ATP2B1: variants seen among roughly 807,000 people sequenced by gnomAD.
The protein encoded by ATP2B1 is ATPase plasma membrane Ca2+ transporting 1.
In ATP2B1, 14 loss-of-function variants were observed where a neutral mutation model predicts 124.2. The ratio of observed to expected loss-of-function variants is 0.11; its 90% CI spans 0.07 to 0.18. The LOEUF (loss-of-function observed/expected upper bound fraction) is 0.18, where lower values mean the gene tolerates loss of function less well. ATP2B1 is among the 10% of genes least tolerant of loss of function. The pLI, the probability that ATP2B1 is intolerant of heterozygous loss-of-function variation, is 1.00. For missense variants in ATP2B1, 763 were observed against 1,466.1 expected (o/e 0.52, Z 7.83); for synonymous variants, 449 against 492.4 (o/e 0.91, Z 1.17).
In ATP2B1 at chr12:89,630,664, T is replaced by C; in HGVS notation, c.788-19A>G. Reference sequence around the variant, plus strand: ...TGAGTACCTATAACCAAAAACATAGTTTGTTTTTAAAAATACTGATAGATC... The same window carrying C: ...TGAGTACCTATAACCAAAAACATAGCTTGTTTTTAAAAATACTGATAGATC... On this transcript the variant is annotated intron_variant, in intron 5 of 20. Coordinates refer to ENST00000428670, the MANE Select transcript of ATP2B1 (RefSeq NM_001366521.1). 7.0e-7 allele frequency: 1 copy of C among 1,434,844 alleles called. No homozygotes were observed. Among genetic ancestry groups the C allele is most frequent in the Non-Finnish European group, 9.2e-7 (1 of 1,088,208 alleles). 88.9% of individuals were successfully genotyped at this position (1,434,844 alleles called of 1,614,324 possible).
At chr12:89,677,971 T>TATATATATATATACACACAC (rs1461216851) in intron 1 of ATP2B1, among the ~76,000 whole-genome samples, 1 of 52,308 alleles carries the variant, frequency 1.9e-5, no homozygotes, top group African/African-American at 7.0e-5. Flanking sequence ...TATATATATA[T>TATATATATATATACACACAC]ACACACACAC....
chr12:89,627,662 GTCC>G lies in ATP2B1; in HGVS notation c.967+13_967+15del. 2.5e-6 allele frequency: 4 copies of G among 1,612,474 alleles called. No homozygotes were observed. Among genetic ancestry groups the G allele is most frequent in the Non-Finnish European group, 3.4e-6 (4 of 1,179,018 alleles). On this transcript the variant is annotated intron_variant, in intron 7 of 20. Coordinates refer to ENST00000428670, the MANE Select transcript of ATP2B1 (RefSeq NM_001366521.1). ...ATGAAAACAAGCTCACTGTACTTTT[GTCC>G]TCCTAAATTTACCTTTGTTGCGATT... is the stretch of plus-strand genomic sequence containing the variant.
intron 1 of ATP2B1, among the ~76,000 whole-genome samples, chr12:89,679,877 G>A (rs979552583): frequency 6.6e-6 from 1 of 152,102 alleles, no homozygotes; most frequent in African/African-American, 2.4e-5. Context: ...GGAAATGGCA[G>A]GCACAATTAG....
At chr12:89,650,686 T>C (rs1460199507) in intron 2 of ATP2B1, among the ~76,000 whole-genome samples, 1 of 152,176 alleles carries the variant, frequency 6.6e-6, no homozygotes, top group Non-Finnish European at 1.5e-5. Flanking sequence ...ATGAATTCAT[T>C]TATAAAAATG....
intron 7 of ATP2B1, 127 bp from the exon 8 acceptor site, chr12:89,626,742 A>T (rs1592781161): frequency 9.5e-7 from 1 of 1,056,760 alleles, no homozygotes; most frequent in Non-Finnish European, 1.3e-6. Context: ...CAGCTTTGTG[A>T]GTGTGTGTGT....
chr12:89,692,015 TCA>T (rs1890610726), intron 1 of ATP2B1, among the ~76,000 whole-genome samples: 1 of 151,902 alleles, frequency 6.6e-6, no homozygotes, highest in African/African-American at 2.4e-5. Context: ...GTACTCAGGG[TCA>T]CTATTACATT....
At chr12:89,597,620 G>T (rs914770670) in intron 20 of ATP2B1, among the ~76,000 whole-genome samples, 3 of 152,112 alleles carry the variant, frequency 2.0e-5, no homozygotes, top group East Asian at 1.9e-4. Flanking sequence ...GTCCTTCGCT[G>T]GCTGGAGACC....
At chr12:89,618,917 T>G (rs1345366878) in intron 11 of ATP2B1, among the ~76,000 whole-genome samples, 1 of 152,220 alleles carries the variant, frequency 6.6e-6, no homozygotes, top group Non-Finnish European at 1.5e-5. Flanking sequence ...AAACATTTAC[T>G]TTAATATTTT....
At chr12:89,669,751 A>C (rs555682858) in intron 1 of ATP2B1, among the ~76,000 whole-genome samples, 126 of 152,324 alleles carry the variant, frequency 8.3e-4, no homozygotes, top group African/African-American at 3.0e-3. Flanking sequence ...TGTCTCTAAT[A>C]AACTCTCCTA....
Position 89,603,281 on chromosome 12 carries a change from G to C in ATP2B1, c.2849-27C>G. On this transcript the variant is annotated intron_variant, in intron 17 of 20. Coordinates refer to ENST00000428670, the MANE Select transcript of ATP2B1 (RefSeq NM_001366521.1). The surrounding 1 kb of genome is among the most constrained non-coding windows in gnomAD (Gnocchi z 4.3). ...TGAAAGAATGAAAAATGACTATTTT[G>C]TAATTATCATACCAAATTAGATTTC... 1 of 1,520,762 alleles carries C rather than the reference G, an allele frequency of 6.6e-7. No individual in the cohort carries two copies. The highest frequency in any genetic ancestry group is 8.9e-7 in the Non-Finnish European group (1 of 1,121,384). The allele number at this position is 1,520,762 out of a possible 1,614,324, so 94.2% of individuals were successfully genotyped here. A position where few individuals can be genotyped will look rare whatever the true frequency, so the allele number is the denominator to read the frequency against.
Position 89,677,954 on chromosome 12 carries a change from T to TTATATATATATATGTATATATATATATA in ATP2B1, c.-221-21848_-221-21847insTATATATATATATACATATATATATATA, listed in dbSNP as rs1491452210. Reference sequence around the variant, plus strand: ...TCAGGGGGTTGGGGGCATGCAGGAATTATATATATATATATATACACACAC... The same window carrying TTATATATATATATGTATATATATATATA: ...TCAGGGGGTTGGGGGCATGCAGGAATTATATATATATATGTATATATATATATATATATATATATATATATACACACAC... On this transcript the variant is annotated intron_variant, in intron 1 of 20. Transcript: ENST00000428670. 2.8e-4 allele frequency among the ~76,000 whole-genome samples: 19 copies of TTATATATATATATGTATATATATATATA among 68,764 alleles called. 2 individuals are homozygous for TTATATATATATATGTATATATATATATA. The highest frequency in any genetic ancestry group is 5.8e-4 in the South Asian group (1 of 1,728). The allele number at this position is 68,764 out of a possible 152,430, so 45.1% of individuals were successfully genotyped here. A position where few individuals can be genotyped will look rare whatever the true frequency, so the allele number is the denominator to read the frequency against.
chr12:89,627,269 A>G (rs1365421977), intron 7 of ATP2B1, among the ~76,000 whole-genome samples: 2 of 152,128 alleles, frequency 1.3e-5, no homozygotes, highest in Non-Finnish European at 1.5e-5. Context: ...TATTAAAAAT[A>G]TTGTACAAAA....
chr12:89,677,046 G>T (rs11105365), intron 1 of ATP2B1, among the ~76,000 whole-genome samples: 2 of 27,952 alleles, frequency 7.2e-5, no homozygotes, highest in African/African-American at 2.0e-4. Flanking sequence ...ACCAAACAAA[G>T]AAACAAACAA....
Position 89,591,285 on chromosome 12 carries a change from A to G in ATP2B1, c.3362T>C (p.Val1121Ala). 6.2e-7 allele frequency: 1 copy of G among 1,607,288 alleles called. No individual in the cohort carries two copies. The change falls in exon 21 of 21, where the codon GTG (valine) becomes GCG (alanine). Residue 1121 changes from valine (V) to alanine (A), a missense_variant. Physicochemically the swap from Val to Ala is moderately conservative, Grantham distance 64. Transcript: ENST00000428670. Reference protein sequence around the residue: ...LNRIQTQIRVVNAFRSSLYEG... With the variant: ...LNRIQTQIRVANAFRSSLYEG... ...ATATAAAGAACTACGAAATGCATTC[A>G]CCACTCGAATCTGTAAATATCAGAA...
chr12:89,616,518 T>C (rs1879000555), intron 12 of ATP2B1, among the ~76,000 whole-genome samples: 1 of 152,142 alleles, frequency 6.6e-6, no homozygotes, highest in South Asian at 2.1e-4. Flanking sequence ...GCACCTATTA[T>C]TTAATTTAAG....
rs1055744493 is a variant in ATP2B1, at chr12:89,588,771, C to T, written c.*2213G>A. On this transcript the variant is annotated 3_prime_UTR_variant, in exon 21 of 21. Coordinates refer to ENST00000428670, the MANE Select transcript of ATP2B1 (RefSeq NM_001366521.1). ...CAAATCCTCCAAAGCACATGCACTT[C>T]TAAATCTTTTGGTAATTACATTCAT... 7.9e-5 allele frequency: 12 copies of T among 152,544 alleles called. No individual in the cohort carries two copies. The allele number at this position is 152,544 out of a possible 1,614,324, so 9.4% of individuals were successfully genotyped here.
chr12:89,699,865 G>A (rs1323990919), intron 1 of ATP2B1, among the ~76,000 whole-genome samples: 1 of 152,094 alleles, frequency 6.6e-6, no homozygotes, highest in South Asian at 2.1e-4. Context: ...TTTTGAGACA[G>A]AGACGGTCTC....
chr12:89,614,413 A>G (rs1324183789), intron 12 of ATP2B1, among the ~76,000 whole-genome samples: 1 of 152,184 alleles, frequency 6.6e-6, no homozygotes, highest in Non-Finnish European at 1.5e-5. Flanking sequence ...GGCAAACATT[A>G]CCCACCTGGC....
intron 2 of ATP2B1, among the ~76,000 whole-genome samples, chr12:89,646,139 T>C (rs2136280039): frequency 6.6e-6 from 1 of 152,106 alleles, no homozygotes; most frequent in African/African-American, 2.4e-5. Context: ...AGTGGGTGGA[T>C]GGTAGTCATA....
Sources: allele counts gnomAD v4.1 joint callset (sites outside exome capture counted in the v4.1 genomes callset), GRCh38; gene constraint gnomAD v4.1.1; non-coding constraint Gnocchi (gnomAD v3.1); transcripts MANE v1.5; gene names NCBI Gene and HGNC (gene_info 2026-07-23, HGNC 2026-07-21).